PPP3CA: variants seen among roughly 807,000 people sequenced by gnomAD.
PPP3CA encodes CAM-PRP catalytic subunit.
A neutral mutation model predicts 66.5 loss-of-function variants in PPP3CA; 14 were observed. The ratio of observed to expected loss-of-function variants is 0.21; its 90% CI spans 0.14 to 0.33. The LOEUF is 0.33. Ranked by LOEUF, PPP3CA falls within the 10% of genes least tolerant of loss-of-function variation. The probability of loss-of-function intolerance (pLI) is 1.00; values close to 1 mark genes in which losing one functional copy is unlikely to be tolerated. For missense variants in PPP3CA, 317 were observed against 639.5 expected (o/e 0.50, Z 5.44); for synonymous variants, 232 against 226.2 (o/e 1.03, Z -0.23).
chr4:101,187,886 A>T (rs1000261282), intron 2 of PPP3CA, among the ~76,000 whole-genome samples: 1 of 152,182 alleles, frequency 6.6e-6, no homozygotes, highest in African/African-American at 2.4e-5. Flanking sequence ...CAAAGCAAAC[A>T]TGCATATTAC....
chr4:101,066,925 C>A (rs1728706239), intron 8 of PPP3CA, among the ~76,000 whole-genome samples: 1 of 152,126 alleles, frequency 6.6e-6, no homozygotes, highest in Admixed American at 6.6e-5. Context: ...AAGACCACCT[C>A]CTGAGACCTT....
At chr4:101,255,712 TGAA>T (rs1418542691) in intron 1 of PPP3CA, among the ~76,000 whole-genome samples, 2 of 151,936 alleles carry the variant, frequency 1.3e-5, no homozygotes, top group Non-Finnish European at 1.5e-5. Flanking sequence ...ATTAAGTAAT[TGAA>T]GATGTATTTA....
chr4:101,130,723 C>A (rs1015289382), intron 2 of PPP3CA, among the ~76,000 whole-genome samples: 2 of 152,158 alleles, frequency 1.3e-5, no homozygotes, highest in African/African-American at 4.8e-5. Context: ...GCCTGCCTTA[C>A]AAGAGTTCCT....
intron 8 of PPP3CA, among the ~76,000 whole-genome samples, chr4:101,070,910 T>A (rs985572233): frequency 6.6e-6 from 1 of 152,246 alleles, no homozygotes; most frequent in Non-Finnish European, 1.5e-5. Context: ...TAGCAAATTT[T>A]TTTTTGTTAA....
At chr4:101,064,951 C>G (rs1483999071) in intron 8 of PPP3CA, among the ~76,000 whole-genome samples, 7 of 151,960 alleles carry the variant, frequency 4.6e-5, no homozygotes, top group Admixed American at 1.3e-4. Context: ...CTTTGAATTG[C>G]TATTTCTGGC....
At chr4:101,120,293 T>C (rs1282877335) in intron 2 of PPP3CA, among the ~76,000 whole-genome samples, 3 of 152,092 alleles carry the variant, frequency 2.0e-5, no homozygotes, top group Non-Finnish European at 4.4e-5. Flanking sequence ...ACGTTTCACT[T>C]GTGCTGCATT....
Position 101,050,979 on chromosome 4 carries a change from T to C in PPP3CA, c.1156+10108A>G, listed in dbSNP as rs534970387. On this transcript the variant is annotated intron_variant, in intron 10 of 13. Transcript: ENST00000394854. Reference sequence around the variant, plus strand: ...GAGATGTGGCCTCATTTATGTTTTGTGCCAGCCAGGCTAAAGGCTGGACCC... The same window carrying C: ...GAGATGTGGCCTCATTTATGTTTTGCGCCAGCCAGGCTAAAGGCTGGACCC... 2.2e-4 allele frequency among the ~76,000 whole-genome samples: 33 copies of C among 152,268 alleles called. No homozygotes were observed. The South Asian group carries it at 6.8e-3, about 32-fold the overall frequency.
intron 1 of PPP3CA, among the ~76,000 whole-genome samples, chr4:101,326,326 T>A (rs936469715): frequency 6.6e-6 from 1 of 152,230 alleles, no homozygotes; most frequent in Non-Finnish European, 1.5e-5. Context: ...GAGAAAATTA[T>A]TTAGCATCTT....
intron 2 of PPP3CA, among the ~76,000 whole-genome samples, chr4:101,117,840 T>C (rs1171639450): frequency 6.6e-6 from 1 of 151,960 alleles, no homozygotes; most frequent in Non-Finnish European, 1.5e-5. Context: ...GGTCCTTGAT[T>C]ATCATCACCA....
intron 11 of PPP3CA, among the ~76,000 whole-genome samples, chr4:101,039,558 G>C (rs778389474): frequency 2.1e-5 from 3 of 144,202 alleles, no homozygotes; most frequent in Admixed American, 7.0e-5. Context: ...CACTGCCTTT[G>C]ATGTGGTGTC....
At chr4:101,191,863 GC>G (rs1211556508) in intron 2 of PPP3CA, among the ~76,000 whole-genome samples, 3 of 152,248 alleles carry the variant, frequency 2.0e-5, no homozygotes, top group South Asian at 2.1e-4. Context: ...TAAATGGCAG[GC>G]CCCGGCACTG....
intron 11 of PPP3CA, among the ~76,000 whole-genome samples, chr4:101,033,270 A>G (rs558429016): frequency 3.9e-5 from 5 of 127,882 alleles, no homozygotes; most frequent in African/African-American, 1.4e-4. Flanking sequence ...ATATACATAC[A>G]TAGAGACACA....
intron 8 of PPP3CA, among the ~76,000 whole-genome samples, chr4:101,071,584 C>T (rs559189462): frequency 5.9e-5 from 9 of 152,232 alleles, no homozygotes; most frequent in East Asian, 5.8e-4. Flanking sequence ...TATCAGACAA[C>T]GGAATTCAAT....
At chr4:101,110,975 A>T (rs565074759) in intron 2 of PPP3CA, among the ~76,000 whole-genome samples, 1 of 152,296 alleles carries the variant, frequency 6.6e-6, no homozygotes, top group East Asian at 1.9e-4. Flanking sequence ...TAATAATTTT[A>T]AAAATATCCA....
At chr4:101,047,876 T>C (rs1409325172) in intron 10 of PPP3CA, among the ~76,000 whole-genome samples, 1 of 151,994 alleles carries the variant, frequency 6.6e-6, no homozygotes, top group Non-Finnish European at 1.5e-5. Flanking sequence ...TTATAGATAG[T>C]TCACAATTAT....
chr4:101,125,112 G>C (rs529597291), intron 2 of PPP3CA, among the ~76,000 whole-genome samples: 1 of 152,192 alleles, frequency 6.6e-6, no homozygotes, highest in Non-Finnish European at 1.5e-5. Flanking sequence ...CATAGGCAGG[G>C]GGGGTATAAG....
At chr4:101,103,202 G>A (rs1730523768) in intron 3 of PPP3CA, among the ~76,000 whole-genome samples, 1 of 152,110 alleles carries the variant, frequency 6.6e-6, no homozygotes. Context: ...AAGTAAAGAA[G>A]GATGTAAAAG....
chr4:101,324,218 A>G (rs990555641), intron 1 of PPP3CA, among the ~76,000 whole-genome samples: 2 of 137,180 alleles, frequency 1.5e-5, no homozygotes, highest in Non-Finnish European at 3.2e-5. Flanking sequence ...GGAAGGAAGG[A>G]AGGAAAGGAG....
At chr4:101,264,469 A>G (rs1727106871) in intron 1 of PPP3CA, among the ~76,000 whole-genome samples, 2 of 115,714 alleles carry the variant, frequency 1.7e-5, no homozygotes, top group Admixed American at 1.6e-4. Context: ...AGTTAACAAA[A>G]AGAAAAAATT....
Sources: gnomAD v4.1 joint callset for allele counts (sites outside exome capture counted in the v4.1 genomes callset) on GRCh38, gnomAD v4.1.1 for gene constraint, MANE v1.5 for transcripts, NCBI Gene and HGNC (gene_info 2026-07-23, HGNC 2026-07-21) for gene names.